SV2C: variants seen among roughly 807,000 people sequenced by gnomAD.
SV2C encodes solute carrier family 22 member B3.
SV2C carries 49 observed loss-of-function variants against 79.7 expected under a neutral mutation model. That is an observed-to-expected ratio of 0.61 (90% CI 0.49 to 0.78). The LOEUF is 0.78. Among genes scored for constraint, SV2C ranks in the 30% least tolerant of loss-of-function variants. The pLI is 0.00. For missense variants in SV2C, 833 were observed against 912.9 expected (o/e 0.91, Z 1.13); for synonymous variants, 334 against 333.2 (o/e 1.00, Z -0.03).
At chr5:76,119,205 T>C (rs1748394500) in intron 1 of SV2C, among the ~76,000 whole-genome samples, 1 of 152,138 alleles carries the variant, frequency 6.6e-6, no homozygotes, top group Non-Finnish European at 1.5e-5. Context: ...ACATTTTCAA[T>C]ATAAAGTGTG....
the SV2C span, among the ~76,000 whole-genome samples, chr5:75,998,845 T>G: frequency 6.6e-6 from 1 of 152,128 alleles, no homozygotes; most frequent in East Asian, 1.9e-4. Flanking sequence ...TCTCTCTCTC[T>G]ATTGTATATA....
rs1467618205 is a variant in SV2C, at chr5:76,333,925, A to T, written c.*8378A>T. On this transcript the variant is annotated 3_prime_UTR_variant, in exon 13 of 13. Transcript: ENST00000502798. The stretch of plus-strand genomic sequence containing the variant: ...GTGTATATCAGATTAATAAAAGAGC[A>T]TTTTTTTTTTGCTCCATTATATTCA... 5.3e-5 allele frequency: 8 copies of T among 150,504 alleles called. No homozygotes were observed. The highest frequency in any genetic ancestry group is 8.9e-5 in the Non-Finnish European group (6 of 67,522). The allele number at this position is 150,504 out of a possible 1,614,324, so 9.3% of individuals were successfully genotyped here. A position where few individuals can be genotyped will look rare whatever the true frequency, so the allele number is the denominator to read the frequency against.
chr5:75,992,236 C>A, the SV2C span, among the ~76,000 whole-genome samples: 2 of 151,944 alleles, frequency 1.3e-5, no homozygotes, highest in East Asian at 3.9e-4. Context: ...CAAGAAGGCT[C>A]TGTTGATATG....
chr5:75,860,005 C>A, the SV2C span, among the ~76,000 whole-genome samples: 1 of 152,114 alleles, frequency 6.6e-6, no homozygotes, highest in Non-Finnish European at 1.5e-5. Flanking sequence ...AAGCTCCGGT[C>A]CCCTAGACCC....
In SV2C at chr5:76,326,858, T is replaced by A. The variant is rs182157903; in HGVS notation, c.*1311T>A. The A allele has an allele frequency of 6.6e-6, 1 of 152,412 alleles. No individual in the cohort carries two copies. Among genetic ancestry groups the A allele is most frequent in the Non-Finnish European group, 1.5e-5 (1 of 68,082 alleles). 9.4% of individuals were successfully genotyped at this position (152,412 alleles called of 1,614,324 possible). ...GGGCCCGCTGTCAGCTACATGACCT[T>A]CTCGCCTCTCAGGCTCCCCTTCCCC... On this transcript the variant is annotated 3_prime_UTR_variant, in exon 13 of 13. Transcript: ENST00000502798.
At chr5:76,078,946 G>A, upstream of SV2C, 1 of 525,676 alleles carries the variant, frequency 1.9e-6, no homozygotes, top group Admixed American at 2.1e-5. Context: ...TTCAAACAAT[G>A]TAGAAAAAAG....
chr5:75,862,603 G>A, the SV2C span, among the ~76,000 whole-genome samples: 2,285 of 152,198 alleles, frequency 0.015, 72 homozygotes, highest in African/African-American at 0.053. Flanking sequence ...TGGACTTCAC[G>A]AGGAAAAAAA....
chr5:75,908,134 C>T, the SV2C span, among the ~76,000 whole-genome samples: 1 of 152,204 alleles, frequency 6.6e-6, no homozygotes, highest in African/African-American at 2.4e-5. Flanking sequence ...CAACAATTGT[C>T]ACAATCAATT....
intron 2 of SV2C, among the ~76,000 whole-genome samples, chr5:76,189,397 A>C (rs2112317239): frequency 6.6e-6 from 1 of 152,220 alleles, no homozygotes; most frequent in African/African-American, 2.4e-5. Context: ...GTAATAAAAC[A>C]AACCAATTTG....
intron 1 of SV2C, among the ~76,000 whole-genome samples, chr5:76,094,037 G>A (rs1747463953): frequency 6.6e-6 from 1 of 152,110 alleles, no homozygotes; most frequent in African/African-American, 2.4e-5. Flanking sequence ...TTGAGCTTAG[G>A]AGTTCAAGAC....
the SV2C span, among the ~76,000 whole-genome samples, chr5:75,916,877 C>A: frequency 6.6e-6 from 1 of 152,170 alleles, no homozygotes; most frequent in African/African-American, 2.4e-5. Flanking sequence ...ATGAAAATAC[C>A]TAGGAGTGAT....
At chr5:76,306,772 T>C (rs1748208172) in intron 12 of SV2C, among the ~76,000 whole-genome samples, 1 of 152,210 alleles carries the variant, frequency 6.6e-6, no homozygotes. Context: ...TAAAGAAATG[T>C]CAACAAACAC....
the SV2C span, among the ~76,000 whole-genome samples, chr5:75,963,490 G>A: frequency 7.9e-5 from 12 of 152,008 alleles, no homozygotes; most frequent in Admixed American, 4.6e-4. Context: ...TCTAAAATCC[G>A]ATATTATTCA....
chr5:76,313,927 C>A (rs866338958), intron 12 of SV2C, among the ~76,000 whole-genome samples: 1 of 152,138 alleles, frequency 6.6e-6, no homozygotes, highest in South Asian at 2.1e-4. Context: ...ACTAAGTAAC[C>A]ATCTCTGGCC....
chr5:75,898,152 C>T, the SV2C span, among the ~76,000 whole-genome samples: 11 of 152,214 alleles, frequency 7.2e-5, no homozygotes, highest in South Asian at 8.3e-4. Context: ...GTGCCAGTTT[C>T]CAAAGGGAAT....
chr5:76,110,912 T>C (rs1748075165), intron 1 of SV2C, among the ~76,000 whole-genome samples: 1 of 152,144 alleles, frequency 6.6e-6, no homozygotes, highest in African/African-American at 2.4e-5. Flanking sequence ...TAGATATGGG[T>C]TCACATTTGC....
intron 1 of SV2C, among the ~76,000 whole-genome samples, chr5:76,116,960 C>T (rs1031094156): frequency 3.9e-5 from 6 of 152,120 alleles, no homozygotes; most frequent in Admixed American, 2.0e-4. Context: ...ATACTTTACC[C>T]GAGATGGGTC....
At chr5:75,885,480 C>A in the SV2C span, among the ~76,000 whole-genome samples, 1 of 152,090 alleles carries the variant, frequency 6.6e-6, no homozygotes, top group East Asian at 1.9e-4. Context: ...TCAGCTGTGA[C>A]GCAAACCCAC....
upstream of SV2C, chr5:76,082,002 C>G (rs1315277900): frequency 6.6e-6 from 1 of 152,334 alleles, no homozygotes; most frequent in Non-Finnish European, 1.5e-5. Context: ...CATTCAATCA[C>G]CCAGGCATAT....
Sources: allele counts gnomAD v4.1 joint callset (sites outside exome capture counted in the v4.1 genomes callset), GRCh38; gene constraint gnomAD v4.1.1; transcripts MANE v1.5; gene names NCBI Gene and HGNC (gene_info 2026-07-23, HGNC 2026-07-21).